The following SIRT1 variants were observed in gnomAD, a reference collection of about 807,000 sequenced individuals.
SIRT1 encodes the protein sirtuin 1.
A neutral mutation model predicts 67.9 loss-of-function variants in SIRT1; 24 were observed. The observed-to-expected ratio is 0.35, with a 90% CI of 0.26 to 0.50. The LOEUF is 0.50. Among genes scored for constraint, SIRT1 ranks in the 20% least tolerant of loss-of-function variants. The pLI is 0.98. For synonymous variants in SIRT1, 378 were observed against 350.7 expected, an observed-to-expected ratio of 1.08 and a Z score of -0.87; for missense variants, 873 against 937.2, an observed-to-expected ratio of 0.93 and a Z score of 0.89.
intron 8 of SIRT1, among the ~76,000 whole-genome samples, chr10:67,915,992 T>A (rs1384922467): frequency 1.3e-5 from 2 of 152,186 alleles, no homozygotes; most frequent in Non-Finnish European, 2.9e-5. Flanking sequence ...CTTGTATTTA[T>A]TTAATTAATT....
At chr10:67,893,196 G>A (rs146573988) in intron 4 of SIRT1, among the ~76,000 whole-genome samples, 3,264 of 152,244 alleles carry the variant, frequency 0.021, 56 homozygotes, top group Non-Finnish European at 0.033. Context: ...TGTTAACATA[G>A]GTATACATGT....
At position 67,912,684 on chromosome 10, in the gene SIRT1, A is replaced by G. The variant is rs1208799614; in HGVS notation, c.1568A>G (p.Tyr523Cys). ...KPPRTQKELAYLSELPPTPLH... is the reference protein window; with the variant it reads ...KPPRTQKELACLSELPPTPLH... ...CCACGAACACAAAAAGAATTGGCTT[A>G]TTTGTCAGAGTTGCCACCCACACCT... Residue 523 changes from tyrosine to cysteine, a missense_variant, in exon 8 of 9, where the codon TAT (tyrosine) becomes TGT (cysteine). Tyr to Cys is a radical substitution (Grantham distance 194). Coordinates refer to ENST00000212015, the MANE Select transcript of SIRT1 (RefSeq NM_012238.5). The G allele has an allele frequency of 1.9e-6, 3 of 1,614,024 alleles. No homozygotes were observed. Among genetic ancestry groups the G allele is most frequent in the East Asian group, 4.5e-5 (2 of 44,882 alleles).
Position 67,908,072 on chromosome 10 carries a change from A to T in SIRT1, c.1117A>T (p.Ile373Phe). ...TTCCTTTGCAACAGCATCTTGCCTG[A>T]TTTGTAAATACAAAGTTGACTGTGA... ...HGSFATASCL[I>F]CKYKVDCEAV... Residue 373 changes from isoleucine (I) to phenylalanine (F), a missense_variant, in exon 6 of 9, where the codon ATT (isoleucine) becomes TTT (phenylalanine). By Grantham distance (21) the Ile-to-Phe change is conservative. Transcript: ENST00000212015. The T allele has an allele frequency of 6.2e-7, 1 of 1,613,600 alleles. No individual in the cohort carries two copies. The highest frequency in any genetic ancestry group is 8.5e-7 in the Non-Finnish European group (1 of 1,179,788).
At chr10:67,900,482 A>T (rs1363170155) in intron 4 of SIRT1, among the ~76,000 whole-genome samples, 3 of 152,094 alleles carry the variant, frequency 2.0e-5, no homozygotes, top group Admixed American at 6.6e-5. Context: ...TCCTTCTGTT[A>T]TCCAAGCTGG....
intron 7 of SIRT1, among the ~76,000 whole-genome samples, chr10:67,909,959 G>T (rs1376077879): frequency 6.6e-6 from 1 of 152,080 alleles, no homozygotes; most frequent in South Asian, 2.1e-4. Context: ...TGATCCTCCT[G>T]CCTCAGCCCC....
intron 4 of SIRT1, among the ~76,000 whole-genome samples, chr10:67,897,105 G>A (rs976544294): frequency 3.3e-5 from 5 of 151,482 alleles, no homozygotes; most frequent in Non-Finnish European, 5.9e-5. Flanking sequence ...GCAGTGAGCC[G>A]AGATCGCACC....
At chr10:67,916,138 C>T in intron 8 of SIRT1, 127 bp from the exon 9 acceptor site, 10 of 833,074 alleles carry the variant, frequency 1.2e-5, no homozygotes, top group Non-Finnish European at 1.6e-5. Flanking sequence ...TTTTTAAACA[C>T]TAATAGTAGT....
chr10:67,895,074 A>T (rs1431605110), intron 4 of SIRT1, among the ~76,000 whole-genome samples: 1 of 152,128 alleles, frequency 6.6e-6, no homozygotes, highest in East Asian at 1.9e-4. Flanking sequence ...TGTTACTCAC[A>T]TATAATTCTT....
chr10:67,887,776 A>C (rs1842508894), intron 2 of SIRT1, among the ~76,000 whole-genome samples: 1 of 152,122 alleles, frequency 6.6e-6, no homozygotes, highest in Non-Finnish European at 1.5e-5. Flanking sequence ...GGGTTTCTCC[A>C]TGTTGGTCAG....
intron 4 of SIRT1, among the ~76,000 whole-genome samples, chr10:67,897,072 C>T (rs957909432): frequency 1.3e-5 from 2 of 151,600 alleles, no homozygotes; most frequent in Non-Finnish European, 2.9e-5. Flanking sequence ...AGCAGAATCA[C>T]TTGAACCTGG....
In SIRT1 at chr10:67,916,358, C is replaced by G; in HGVS notation, c.2009C>G (p.Ser670Cys). 1 of 1,614,164 alleles carries G rather than the reference C, an allele frequency of 6.2e-7. No individual in the cohort carries two copies. The highest frequency in any genetic ancestry group is 8.5e-7 in the Non-Finnish European group (1 of 1,180,020). Reference protein sequence around the residue: ...DSEDDVLSSSSCGSNSDSGTC... With the variant: ...DSEDDVLSSSCCGSNSDSGTC... Reference sequence around the variant, plus strand: ...GAAGATGACGTCTTATCCTCTAGTTCTTGTGGCAGTAACAGTGATAGTGGG... The same window carrying G: ...GAAGATGACGTCTTATCCTCTAGTTGTTGTGGCAGTAACAGTGATAGTGGG... The change falls in exon 9 of 9, where the codon TCT becomes TGT. Residue 670 changes from serine to cysteine, a missense_variant. This residue lies in a region of SIRT1 where 295 missense variants were observed against 294.5 expected (regional missense o/e 1.00). Coordinates refer to ENST00000212015, the MANE Select transcript of SIRT1 (RefSeq NM_012238.5).
At chr10:67,889,736 C>T (rs536949221) in intron 3 of SIRT1, among the ~76,000 whole-genome samples, 5 of 152,210 alleles carry the variant, frequency 3.3e-5, no homozygotes, top group East Asian at 1.9e-4. Flanking sequence ...TCTGCCATTT[C>T]GAGTTGCGAA....
chr10:67,895,730 C>CTT (rs1564886152), intron 4 of SIRT1, among the ~76,000 whole-genome samples: 22 of 94,036 alleles, frequency 2.3e-4, no homozygotes, highest in Middle Eastern at 6.8e-3. Flanking sequence ...TGAGAATTAA[C>CTT]TTGTTTTTTT....
intron 4 of SIRT1, among the ~76,000 whole-genome samples, chr10:67,893,760 G>T (rs946678104): frequency 2.0e-5 from 3 of 152,130 alleles, no homozygotes. Flanking sequence ...GGCCAGGTTG[G>T]TCTTGAACTC....
At chr10:67,906,074 A>T (rs1268687722) in intron 4 of SIRT1, 5 of 1,132,254 alleles carry the variant, frequency 4.4e-6, no homozygotes, top group Non-Finnish European at 5.6e-6. Flanking sequence ...AATTTAATAA[A>T]AACACTGTCA....
chr10:67,906,025 G>A lies in SIRT1; in HGVS notation c.943-765G>A, dbSNP rs901277843. 5 of 651,416 alleles carry A rather than the reference G, an allele frequency of 7.7e-6. No homozygotes were observed. The African/African-American group carries it at 9.5e-5, about 12-fold the overall frequency. 40.4% of individuals were successfully genotyped at this position (651,416 alleles called of 1,614,324 possible). A position where few individuals can be genotyped will look rare whatever the true frequency, so the allele number is the denominator to read the frequency against. On this transcript the variant is annotated intron_variant, in intron 4 of 8. Transcript: ENST00000212015. ...CACTACTACTTTGAAGGAAAAAGTA[G>A]AGAATAAACTTCCTTTGCCATAGTC...
chr10:67,917,928 A>T lies in SIRT1; in HGVS notation c.*1335A>T, dbSNP rs2029973695. On this transcript the variant is annotated 3_prime_UTR_variant, in exon 9 of 9. Transcript: ENST00000212015. ...GACCATTTTTGAACATCACTCCTAA[A>T]TTAATAAAGTATTCCTCTGTTGCTT... 1.3e-5 allele frequency: 2 copies of T among 152,470 alleles called. No individual in the cohort carries two copies. The highest frequency in any genetic ancestry group is 4.1e-4 in the South Asian group (2 of 4,830). 9.4% of individuals were successfully genotyped at this position (152,470 alleles called of 1,614,324 possible). A position where few individuals can be genotyped will look rare whatever the true frequency, so the allele number is the denominator to read the frequency against.
chr10:67,895,492 T>C lies in SIRT1; in HGVS notation c.942+3938T>C, dbSNP rs567972176. Among the ~76,000 whole-genome samples the C allele has an allele frequency of 4.6e-5, 7 of 152,142 alleles. No individual in the cohort carries two copies. In the South Asian group the frequency reaches 8.3e-4, roughly 18 times the overall value. On this transcript the variant is annotated intron_variant, in intron 4 of 8. Transcript: ENST00000212015. Reference sequence around the variant, plus strand: ...ACTGAATTTCTAAATATTACAAGAATAGAATATTCATAGGATAACCTAAGC... The same window carrying C: ...ACTGAATTTCTAAATATTACAAGAACAGAATATTCATAGGATAACCTAAGC...
intron 4 of SIRT1, among the ~76,000 whole-genome samples, chr10:67,895,988 C>A (rs76789187): frequency 6.6e-6 from 1 of 151,880 alleles, no homozygotes; most frequent in African/African-American, 2.4e-5. Flanking sequence ...GTGATCCGCC[C>A]GCCTAGGCCA....
Sources: allele counts gnomAD v4.1 joint callset (sites outside exome capture counted in the v4.1 genomes callset), GRCh38; gene constraint gnomAD v4.1.1; regional missense constraint gnomAD v4.1.1; transcripts MANE v1.5; gene names NCBI Gene and HGNC (gene_info 2026-07-23, HGNC 2026-07-21).